RAB3GAP1: variants seen among roughly 807,000 people sequenced by gnomAD.
RAB3GAP1 encodes the protein rab3 GTPase-activating protein catalytic subunit.
RAB3GAP1 carries 86 observed loss-of-function variants against 130.7 expected under a neutral mutation model. The ratio of observed to expected loss-of-function variants is 0.66; its 90% CI spans 0.55 to 0.79. The LOEUF (loss-of-function observed/expected upper bound fraction) is 0.79. Ranked by LOEUF, RAB3GAP1 falls within the 30% of genes least tolerant of loss-of-function variation. The probability of loss-of-function intolerance (pLI) is 0.00; values close to 1 mark genes in which losing one functional copy is unlikely to be tolerated. For missense variants in RAB3GAP1, 1,029 were observed against 1,169.4 expected, an observed-to-expected ratio of 0.88 and a Z score of 1.75; for synonymous variants, 367 against 401.7, an observed-to-expected ratio of 0.91 and a Z score of 1.03.
In RAB3GAP1 at chr2:135,169,606, A is replaced by G. The variant is rs904230196; in HGVS notation, c.*825A>G. ...CTGGGTACTGTATTTAATGAAGTAG[A>G]GAATAGCACTTGCAAAAATACAGTC... is the stretch of plus-strand genomic sequence containing the variant. On this transcript the variant is annotated 3_prime_UTR_variant, in exon 24 of 24. Transcript: ENST00000264158. 1 of 332,238 alleles carries G rather than the reference A, an allele frequency of 3.0e-6. No individual in the cohort carries two copies. The highest frequency in any genetic ancestry group is 2.2e-5 in the African/African-American group (1 of 46,158). 20.6% of individuals were successfully genotyped at this position (332,238 alleles called of 1,614,324 possible).
chr2:135,087,358 G>A (rs1181598814), intron 3 of RAB3GAP1, among the ~76,000 whole-genome samples: 1 of 152,086 alleles, frequency 6.6e-6, no homozygotes, highest in Non-Finnish European at 1.5e-5. Context: ...AATTATTTTA[G>A]CTGTTCTAGG....
chr2:135,079,121 A>T, intron 3 of RAB3GAP1, among the ~76,000 whole-genome samples: 1 of 152,014 alleles, frequency 6.6e-6, no homozygotes, highest in East Asian at 1.9e-4. Context: ...TGCCTGCCTC[A>T]GCCTCCCACA....
chr2:135,171,554 A>T (rs1286225441), downstream of RAB3GAP1, among the ~76,000 whole-genome samples: 1 of 152,166 alleles, frequency 6.6e-6, no homozygotes, highest in East Asian at 1.9e-4. Context: ...CTACCCCCAT[A>T]CATTCCTATA....
At chr2:135,173,308 G>T (rs951070904), downstream of RAB3GAP1, among the ~76,000 whole-genome samples, 1 of 151,818 alleles carries the variant, frequency 6.6e-6, no homozygotes. Flanking sequence ...CCAAGCAGAA[G>T]AGGTCTGGGG....
intron 5 of RAB3GAP1, among the ~76,000 whole-genome samples, chr2:135,104,137 A>G (rs1690527487): frequency 6.6e-6 from 1 of 152,230 alleles, no homozygotes; most frequent in East Asian, 1.9e-4. Flanking sequence ...GGTAGCTGCT[A>G]GAGAGCCAGG....
Position 135,130,692 on chromosome 2 carries a change from A to G in RAB3GAP1, c.1207A>G (p.Asn403Asp). 6.2e-7 allele frequency: 1 copy of G among 1,613,678 alleles called. No homozygotes were observed. Among genetic ancestry groups the G allele is most frequent in the South Asian group, 1.1e-5 (1 of 91,066 alleles). Residue 403 changes from asparagine (N) to aspartate (D), a missense_variant, in exon 13 of 24, where the codon AAT (asparagine) becomes GAT (aspartate). This residue lies in a region of RAB3GAP1 where 510 missense variants were observed against 532.1 expected (regional missense o/e 0.96). Coordinates refer to ENST00000264158, the MANE Select transcript of RAB3GAP1 (RefSeq NM_012233.3). ...KHRGVEESPLNNDVLNTILLF... is the reference protein window; with the variant it reads ...KHRGVEESPLDNDVLNTILLF... Reference sequence around the variant, plus strand: ...CAGAGGTGTAGAGGAGTCACCGCTAAATAATGATGTTCTTAATACTATTCT... The same window carrying G: ...CAGAGGTGTAGAGGAGTCACCGCTAGATAATGATGTTCTTAATACTATTCT...
At chr2:135,124,664 C>T (rs1173968483) in intron 9 of RAB3GAP1, among the ~76,000 whole-genome samples, 4 of 149,474 alleles carry the variant, frequency 2.7e-5, no homozygotes, top group African/African-American at 9.9e-5. Context: ...GACTCCGTCT[C>T]AAAAAAAGAA....
At chr2:135,088,297 A>G (rs1479258199) in intron 3 of RAB3GAP1, among the ~76,000 whole-genome samples, 1 of 152,150 alleles carries the variant, frequency 6.6e-6, no homozygotes, top group African/African-American at 2.4e-5. Flanking sequence ...ACATTATCAT[A>G]TTACTTACTG....
intron 7 of RAB3GAP1, among the ~76,000 whole-genome samples, chr2:135,117,938 G>A (rs1389063715): frequency 1.3e-5 from 2 of 151,496 alleles, no homozygotes; most frequent in Admixed American, 1.3e-4. Flanking sequence ...CTGCAGCCTC[G>A]ACCTCCTGGG....
At chr2:135,135,179 A>G in intron 15 of RAB3GAP1, 86 bp from the exon 16 acceptor site, 1 of 1,091,042 alleles carries the variant, frequency 9.2e-7, no homozygotes, top group Non-Finnish European at 1.4e-6. Context: ...CAATATAGCT[A>G]AAAATTATGG....
chr2:135,115,486 T>G, intron 7 of RAB3GAP1, 105 bp downstream of exon 7: 1 of 1,154,110 alleles, frequency 8.7e-7, no homozygotes, highest in Admixed American at 2.3e-5. Flanking sequence ...ATATTGATAA[T>G]GTAATTGCTT....
At chr2:135,106,083 C>G (rs986026357) in intron 5 of RAB3GAP1, among the ~76,000 whole-genome samples, 5 of 152,018 alleles carry the variant, frequency 3.3e-5, no homozygotes, top group African/African-American at 7.2e-5. Flanking sequence ...CGGCAGCCGC[C>G]CCATCCGGGA....
intron 3 of RAB3GAP1, among the ~76,000 whole-genome samples, chr2:135,077,656 C>T (rs1689668382): frequency 6.6e-6 from 1 of 152,198 alleles, no homozygotes. Flanking sequence ...GTGGCTGTAG[C>T]AGTTTACATT....
intron 17 of RAB3GAP1, among the ~76,000 whole-genome samples, chr2:135,144,564 G>A (rs1004014600): frequency 1.3e-5 from 2 of 152,186 alleles, no homozygotes; most frequent in Admixed American, 1.3e-4. Flanking sequence ...TCCAGTCTGT[G>A]GATTTACCCA....
Position 135,132,912 on chromosome 2 carries a change from TG to T in RAB3GAP1, c.1255del (p.Val419PhefsTer6). The T allele has an allele frequency of 6.4e-7, 1 of 1,568,806 alleles. No homozygotes were observed. Among genetic ancestry groups the T allele is most frequent in the Non-Finnish European group, 8.8e-7 (1 of 1,139,206 alleles). On this transcript the variant is annotated frameshift_variant, in exon 14 of 24. Transcript: ENST00000264158. LOFTEE classifies it high-confidence loss of function. ...CCTTCAAGTTCTTATTCCCTGATGC[TG>T]TTTCTGAGAAACCATTAGATGGAAC... ...TILLFLFPDAVSEKPLDGTTS... is the reference protein window; with the variant it reads ...TILLFLFPDAXSEKPLDGTTS...
intron 17 of RAB3GAP1, among the ~76,000 whole-genome samples, chr2:135,143,364 T>C (rs528955109): frequency 3.2e-4 from 49 of 152,180 alleles, no homozygotes; most frequent in Non-Finnish European, 5.3e-4. Context: ...TTATTAATTT[T>C]ATGAATCTTT....
chr2:135,074,547 C>A (rs1574085106), intron 3 of RAB3GAP1, among the ~76,000 whole-genome samples: 1 of 152,172 alleles, frequency 6.6e-6, no homozygotes, highest in African/African-American at 2.4e-5. Flanking sequence ...TGGCCAGGAA[C>A]CTTCAGTTGT....
chr2:135,109,495 A>G (rs1690732456), intron 5 of RAB3GAP1, among the ~76,000 whole-genome samples: 1 of 151,230 alleles, frequency 6.6e-6, no homozygotes, highest in South Asian at 2.1e-4. Context: ...TAGCATAGAT[A>G]TAAAGAAATA....
chr2:135,124,033 G>A (rs1044606318), intron 8 of RAB3GAP1, 132 bp from the exon 9 acceptor site: 18 of 802,348 alleles, frequency 2.2e-5, no homozygotes, highest in Non-Finnish European at 3.5e-5. Context: ...CTGTAAGTTG[G>A]TCTAACTTGC....
Sources: allele counts gnomAD v4.1 joint callset (sites outside exome capture counted in the v4.1 genomes callset), GRCh38; gene constraint gnomAD v4.1.1; regional missense constraint gnomAD v4.1.1; transcripts MANE v1.5; gene names NCBI Gene and HGNC (gene_info 2026-07-23, HGNC 2026-07-21).